Variants in STXBP5L observed in about 807,000 individuals in gnomAD.
The protein encoded by STXBP5L is syntaxin-binding protein 5-like.
STXBP5L carries 65 observed loss-of-function variants against 144.5 expected under a neutral mutation model. The ratio of observed to expected loss-of-function variants is 0.45; its 90% CI spans 0.37 to 0.55. The LOEUF is 0.55. STXBP5L is among the 20% of genes least tolerant of loss of function. The pLI, the probability that STXBP5L is intolerant of heterozygous loss-of-function variation, is 0.00. For missense variants in STXBP5L, 1,298 were observed against 1,405.5 expected (o/e 0.92, Z 1.22); for synonymous variants, 505 against 469.6 (o/e 1.08, Z -0.97).
chr3:121,161,134 C>A (rs1425023665), intron 9 of STXBP5L, among the ~76,000 whole-genome samples: 1 of 151,546 alleles, frequency 6.6e-6, no homozygotes, highest in Non-Finnish European at 1.5e-5. Context: ...TTCATTTGTT[C>A]CTGAAGATAC....
At chr3:121,206,450 T>C (rs1465758535) in intron 10 of STXBP5L, among the ~76,000 whole-genome samples, 3 of 152,190 alleles carry the variant, frequency 2.0e-5, no homozygotes, top group Non-Finnish European at 2.9e-5. Flanking sequence ...TAAAAAGTAC[T>C]AAATTTTAAG....
intron 9 of STXBP5L, chr3:121,158,301 A>G (rs1030206076): frequency 2.0e-5 from 3 of 152,162 alleles, no homozygotes; most frequent in Non-Finnish European, 4.4e-5. Context: ...ACCTCATATC[A>G]TTGATTATTT....
Position 121,328,785 on chromosome 3 carries a change from A to C in STXBP5L, c.2176+10245A>C, listed in dbSNP as rs191485404. Among the ~76,000 whole-genome samples, 180 of 152,164 alleles carry C rather than the reference A, an allele frequency of 1.2e-3. 1 individual carries two copies. The highest frequency in any genetic ancestry group is 1.7e-3 in the Non-Finnish European group (117 of 67,988). On this transcript the variant is annotated intron_variant, in intron 20 of 26. Transcript: ENST00000471454. ...TAAAAAATAAACTAGGCTTCGCTTCATAAATGCTAGGAAACCTACCATGGA... is the reference window on the plus strand; with the variant it reads ...TAAAAAATAAACTAGGCTTCGCTTCCTAAATGCTAGGAAACCTACCATGGA...
chr3:120,975,608 C>T (rs1049642551), intron 3 of STXBP5L, among the ~76,000 whole-genome samples: 1 of 152,168 alleles, frequency 6.6e-6, no homozygotes, highest in Non-Finnish European at 1.5e-5. Context: ...GAGAGGGCAT[C>T]CCTGTCTTGT....
At chr3:121,150,007 TTC>T (rs2045873938) in intron 7 of STXBP5L, among the ~76,000 whole-genome samples, 1 of 152,058 alleles carries the variant, frequency 6.6e-6, no homozygotes, top group Non-Finnish European at 1.5e-5. Flanking sequence ...TTTTGTTCAG[TTC>T]TGTTTTATAT....
chr3:120,934,053 G>A (rs1490482927), intron 2 of STXBP5L, among the ~76,000 whole-genome samples: 1 of 147,384 alleles, frequency 6.8e-6, no homozygotes, highest in Non-Finnish European at 1.5e-5. Flanking sequence ...CTCTGCCTAG[G>A]TTAGCTCTAA....
intron 18 of STXBP5L, among the ~76,000 whole-genome samples, chr3:121,269,622 A>G (rs951251599): frequency 7.9e-5 from 12 of 152,170 alleles, no homozygotes; most frequent in Non-Finnish European, 1.2e-4. Flanking sequence ...AGGAACTCCA[A>G]GTTTTAAAAA....
At chr3:121,319,091 G>A (rs1476288995) in intron 20 of STXBP5L, among the ~76,000 whole-genome samples, 1 of 151,942 alleles carries the variant, frequency 6.6e-6, no homozygotes, top group African/African-American at 2.4e-5. Context: ...GGTACTGTCT[G>A]TTAAAAAAAA....
At chr3:121,296,737 G>T (rs2051666423) in intron 19 of STXBP5L, among the ~76,000 whole-genome samples, 1 of 152,114 alleles carries the variant, frequency 6.6e-6, no homozygotes, top group Non-Finnish European at 1.5e-5. Flanking sequence ...AGCCAGTGAG[G>T]TTTAATGGCT....
chr3:121,375,064 C>A (rs1433319315), intron 20 of STXBP5L, among the ~76,000 whole-genome samples: 1 of 151,992 alleles, frequency 6.6e-6, no homozygotes, highest in Non-Finnish European at 1.5e-5. Context: ...AAATTACTTA[C>A]CAGGTACAGA....
intron 20 of STXBP5L, among the ~76,000 whole-genome samples, chr3:121,353,666 T>A (rs993664322): frequency 2.0e-5 from 3 of 152,198 alleles, no homozygotes; most frequent in African/African-American, 4.8e-5. Flanking sequence ...GAAGGGTTTT[T>A]TGTGTCTTTA....
chr3:121,401,959 A>G (rs1054579723), intron 22 of STXBP5L, among the ~76,000 whole-genome samples: 1 of 152,106 alleles, frequency 6.6e-6, no homozygotes, highest in African/African-American at 2.4e-5. Flanking sequence ...CAATGAGCAC[A>G]TAAGAGATTT....
chr3:121,292,061 A>C (rs1338733048), intron 19 of STXBP5L, among the ~76,000 whole-genome samples: 3 of 152,238 alleles, frequency 2.0e-5, no homozygotes, highest in Non-Finnish European at 2.9e-5. Context: ...GATGGGACTT[A>C]ATTAAACTAA....
chr3:121,153,722 A>T (rs1022172681), intron 8 of STXBP5L, among the ~76,000 whole-genome samples: 1 of 152,002 alleles, frequency 6.6e-6, no homozygotes, highest in African/African-American at 2.4e-5. Context: ...TGGTAAAAAA[A>T]TGTTTAGAAA....
chr3:121,275,707 T>G (rs1048092432), intron 18 of STXBP5L, among the ~76,000 whole-genome samples: 1 of 152,158 alleles, frequency 6.6e-6, no homozygotes, highest in African/African-American at 2.4e-5. Context: ...TTTTGAAGCT[T>G]TATTATAAGA....
At chr3:121,382,621 GT>G (rs1309740697) in intron 22 of STXBP5L, among the ~76,000 whole-genome samples, 1 of 151,980 alleles carries the variant, frequency 6.6e-6, no homozygotes, top group African/African-American at 2.4e-5. Flanking sequence ...TTCCTCACAA[GT>G]TTAAAGGTAC....
chr3:121,309,830 C>A (rs956212097), intron 19 of STXBP5L, among the ~76,000 whole-genome samples: 3 of 152,024 alleles, frequency 2.0e-5, no homozygotes, highest in African/African-American at 7.2e-5. Flanking sequence ...GAAAGTGATT[C>A]TAAAATTTAT....
intron 22 of STXBP5L, 53 bp from the exon 23 acceptor site, chr3:121,407,190 T>C: frequency 1.3e-6 from 2 of 1,517,198 alleles, no homozygotes; most frequent in East Asian, 2.3e-5. Flanking sequence ...TAATTCCCTA[T>C]AGATGCTTTA....
At chr3:121,083,699 TGTTTG>T (rs1414215079) in intron 5 of STXBP5L, among the ~76,000 whole-genome samples, 1 of 152,078 alleles carries the variant, frequency 6.6e-6, no homozygotes, top group Non-Finnish European at 1.5e-5. Flanking sequence ...ATTCTTTAAG[TGTTTG>T]GTAAAATTCT....
Sources: allele counts gnomAD v4.1 joint callset (sites outside exome capture counted in the v4.1 genomes callset), GRCh38; gene constraint gnomAD v4.1.1; transcripts MANE v1.5; gene names NCBI Gene and HGNC (gene_info 2026-07-23, HGNC 2026-07-21).